The following ZNF462 variants were observed in gnomAD, a reference collection of about 807,000 sequenced individuals.
The protein encoded by ZNF462 is zinc finger PBX1-interacting protein.
A neutral mutation model predicts 201.9 loss-of-function variants in ZNF462; 10 were observed. The observed-to-expected ratio is 0.05, with a 90% CI of 0.03 to 0.08. The LOEUF is 0.08. Ranked by LOEUF, ZNF462 falls within the 10% of genes least tolerant of loss-of-function variation. The pLI is 1.00. For synonymous variants in ZNF462, 1,227 were observed against 1,193.3 expected (o/e 1.03, Z -0.58); for missense variants, 2,523 against 3,168.3 (o/e 0.80, Z 4.89).
Position 106,935,650 on chromosome 9 carries a change from T to C in ZNF462, c.6235+29T>C. On this transcript the variant is annotated intron_variant, in intron 6 of 12. Transcript: ENST00000277225. The surrounding 1 kb of genome is among the most constrained non-coding windows in gnomAD (Gnocchi z 4.1). ...AGTTGTGCATTGATGATGCACAAGT[T>C]CTTTAGCACTCTCTGAGTTTGAAAC... The C allele has an allele frequency of 6.4e-7, 1 of 1,559,882 alleles. No individual in the cohort carries two copies. The highest frequency in any genetic ancestry group is 8.8e-7 in the Non-Finnish European group (1 of 1,131,142).
In ZNF462 at chr9:106,891,762, C is replaced by T. The variant is rs553659482; in HGVS notation, c.-31+28407C>T. The stretch of plus-strand genomic sequence containing the variant: ...TCTGAAGTAGCTTAGAGTATGTTTT[C>T]CTGGCTTTTTGTTCCCCCCTCTGGA... On this transcript the variant is annotated intron_variant, in intron 1 of 12. Transcript: ENST00000277225. Among the ~76,000 whole-genome samples, 15 of 152,246 alleles carry T rather than the reference C, an allele frequency of 9.9e-5. No individual in the cohort carries two copies. In the South Asian group the frequency reaches 2.1e-3, roughly 21 times the overall value.
rs1431697721 is a variant in ZNF462 at position 107,003,279 on chromosome 9, T to C, written c.7057-15T>C. The C allele has an allele frequency of 1.2e-6, 2 of 1,613,272 alleles. No individual in the cohort carries two copies. Among genetic ancestry groups the C allele is most frequent in the South Asian group, 2.2e-5 (2 of 90,974 alleles). Reference sequence around the variant, plus strand: ...TGCGGTTTATTATTCCATCATTTGTTTGGGCCTTTTTCAGGTAAGCCGTAA... The same window carrying C: ...TGCGGTTTATTATTCCATCATTTGTCTGGGCCTTTTTCAGGTAAGCCGTAA... On this transcript the variant is annotated splice_polypyrimidine_tract_variant and intron_variant, in intron 10 of 12. Transcript: ENST00000277225. The surrounding 1 kb of genome is among the most constrained non-coding windows in gnomAD (Gnocchi z 4.4).
chr9:106,911,594 G>T (rs1454355367), intron 1 of ZNF462, among the ~76,000 whole-genome samples: 4 of 152,212 alleles, frequency 2.6e-5, no homozygotes, highest in East Asian at 3.8e-4. Flanking sequence ...CTGGTCCAGG[G>T]ATTAGACTTT....
intron 1 of ZNF462, among the ~76,000 whole-genome samples, chr9:106,912,539 T>C (rs915751039): frequency 6.6e-6 from 1 of 152,206 alleles, no homozygotes; most frequent in Non-Finnish European, 1.5e-5. Context: ...GGACCTTAAG[T>C]GTGAATACTG....
intron 1 of ZNF462, among the ~76,000 whole-genome samples, chr9:106,871,193 C>T (rs912124128): frequency 1.3e-5 from 2 of 152,202 alleles, no homozygotes; most frequent in Non-Finnish European, 2.9e-5. Flanking sequence ...TCTAAACCAT[C>T]TCATTTCTAT....
rs952784188 is a variant in ZNF462 at position 106,919,115 on chromosome 9, T to C, written c.-30-4239T>C. Among the ~76,000 whole-genome samples the C allele has an allele frequency of 6.6e-6, 1 of 152,266 alleles. No homozygotes were observed. The highest frequency in any genetic ancestry group is 1.5e-5 in the Non-Finnish European group (1 of 68,052). ...TCCTTCAGTCAGAGAACAGGTTAGA[T>C]CCAGGCAAGGCCTATGCCTTTTAAT... On this transcript the variant is annotated intron_variant, in intron 1 of 12. Transcript: ENST00000277225. The surrounding 1 kb of genome is among the most constrained non-coding windows in gnomAD (Gnocchi z 4.5).
chr9:106,866,333 G>C (rs2130781576), intron 1 of ZNF462, among the ~76,000 whole-genome samples: 1 of 152,272 alleles, frequency 6.6e-6, no homozygotes, highest in East Asian at 1.9e-4. Flanking sequence ...ATTCTGTTGA[G>C]TAGCTGGTAG....
Position 106,984,420 on chromosome 9 carries a change from G to C in ZNF462, c.7056+11G>C. 1 of 1,604,182 alleles carries C rather than the reference G, an allele frequency of 6.2e-7. No individual in the cohort carries two copies. The highest frequency in any genetic ancestry group is 8.5e-7 in the Non-Finnish European group (1 of 1,175,244). On this transcript the variant is annotated intron_variant, in intron 10 of 12. Transcript: ENST00000277225. The surrounding 1 kb of genome is among the most constrained non-coding windows in gnomAD (Gnocchi z 6.4). ...CGGGATGAGCATAAGGTACTTACCA[G>C]GACTTCCTGCTCCCGCCTCAGCACA...
intron 11 of ZNF462, among the ~76,000 whole-genome samples, chr9:107,007,769 C>T (rs1829659776): frequency 6.6e-6 from 1 of 152,178 alleles, no homozygotes. Flanking sequence ...GTGCAGCTCT[C>T]AGGCTGGTGG....
intron 5 of ZNF462, among the ~76,000 whole-genome samples, chr9:106,934,129 C>A (rs1308359498): frequency 6.6e-6 from 1 of 151,982 alleles, no homozygotes; most frequent in Non-Finnish European, 1.5e-5. Context: ...TACTTAATTT[C>A]ATTCTCAAAA....
Position 106,927,533 on chromosome 9 carries a change from G to T in ZNF462, c.3621G>T (p.Gly1207=). The T allele has an allele frequency of 1.9e-6, 3 of 1,613,850 alleles. No individual in the cohort carries two copies. The highest frequency in any genetic ancestry group is 2.5e-6 in the Non-Finnish European group (3 of 1,179,962). Residue 1207 remains glycine (G), a synonymous_variant, in exon 3 of 13, where the codon GGG becomes GGT. Coordinates refer to ENST00000277225, the MANE Select transcript of ZNF462 (RefSeq NM_021224.6). ...ATTATGGGAACCGGACGGTCAAAGG[G>T]GTACTCATTCATTATCAGAAGAAGC... The part of the protein sequence containing the change: ...HCDYGNRTVK[G]VLIHYQKKHR...
chr9:106,927,700 G>A lies in ZNF462; in HGVS notation c.3788G>A (p.Arg1263Gln). Residue 1263 changes from arginine to glutamine, a missense_variant, in exon 3 of 13, where the codon CGA becomes CAA. Around this residue, in one of 15 missense-constraint regions of ZNF462, gnomAD observed 222 missense variants for 271.6 expected, o/e 0.82. Coordinates refer to ENST00000277225, the MANE Select transcript of ZNF462 (RefSeq NM_021224.6). ...CTGGAGCGGGACAAAACGAAACTCC[G>A]AGCACTCAAATGTAGGCAGTGCTCA... ...SNLERDKTKLRALKCRQCSYT... is the reference protein window; with the variant it reads ...SNLERDKTKLQALKCRQCSYT... The A allele has an allele frequency of 1.2e-6, 2 of 1,613,998 alleles. No homozygotes were observed. The highest frequency in any genetic ancestry group is 1.7e-6 in the Non-Finnish European group (2 of 1,180,014).
At chr9:106,982,475 T>A (rs934651798) in intron 9 of ZNF462, among the ~76,000 whole-genome samples, 3 of 152,198 alleles carry the variant, frequency 2.0e-5, no homozygotes, top group Non-Finnish European at 4.4e-5. Flanking sequence ...TACTAGTTTA[T>A]GCCAAAGCAT....
rs1373277624 is a variant in ZNF462, at chr9:106,930,215, G to A, written c.5848-310G>A. Among the ~76,000 whole-genome samples the A allele has an allele frequency of 6.6e-6, 1 of 152,068 alleles. No homozygotes were observed. The highest frequency in any genetic ancestry group is 1.5e-5 in the Non-Finnish European group (1 of 68,028). ...AGAAGTTCATTAATGGCGCAACTAT[G>A]CAACGTTTCACCTGCCTAGTTGAAA... On this transcript the variant is annotated intron_variant, in intron 3 of 12. Transcript: ENST00000277225. The surrounding 1 kb of genome is among the most constrained non-coding windows in gnomAD (Gnocchi z 5.8).
rs1157070725 is a variant in ZNF462 at position 107,003,149 on chromosome 9, A to G, written c.7057-145A>G. 1 of 1,051,310 alleles carries G rather than the reference A, an allele frequency of 9.5e-7. No homozygotes were observed. Among genetic ancestry groups the G allele is most frequent in the South Asian group, 1.8e-5 (1 of 56,906 alleles). The allele number at this position is 1,051,310 out of a possible 1,614,324, so 65.1% of individuals were successfully genotyped here. A position where few individuals can be genotyped will look rare whatever the true frequency, so the allele number is the denominator to read the frequency against. ...TCTCCAAAAGAGTCAAAACGAAGAA[A>G]AAGACCTCTTAGGCCCCGGAGTTGT... is the stretch of plus-strand genomic sequence containing the variant. On this transcript the variant is annotated intron_variant, in intron 10 of 12. Transcript: ENST00000277225. The surrounding 1 kb of genome is among the most constrained non-coding windows in gnomAD (Gnocchi z 4.4).
chr9:106,921,354 G>A (rs1472262138), intron 1 of ZNF462, among the ~76,000 whole-genome samples: 1 of 152,208 alleles, frequency 6.6e-6, no homozygotes, highest in Non-Finnish European at 1.5e-5. Flanking sequence ...AGAGAGAAAT[G>A]AAAACAGTTA....
rs1216123153 is a variant in ZNF462, at chr9:106,865,953, C to T, written c.-31+2598C>T. Among the ~76,000 whole-genome samples, 1 of 152,148 alleles carries T rather than the reference C, an allele frequency of 6.6e-6. No homozygotes were observed. Among genetic ancestry groups the T allele is most frequent in the Non-Finnish European group, 1.5e-5 (1 of 68,020 alleles). Reference sequence around the variant, plus strand: ...AAATGCTTCAGGAATTTTTAAAAGCCAACCATGAAGATGTTGCTTTTCCAT... The same window carrying T: ...AAATGCTTCAGGAATTTTTAAAAGCTAACCATGAAGATGTTGCTTTTCCAT... On this transcript the variant is annotated intron_variant, in intron 1 of 12. Transcript: ENST00000277225. This position sits in a 1 kb window ranked among gnomAD's most constrained non-coding sequence, Gnocchi z 4.1.
chr9:106,965,408 C>T (rs942817282), intron 7 of ZNF462, among the ~76,000 whole-genome samples: 1 of 151,834 alleles, frequency 6.6e-6, no homozygotes, highest in African/African-American at 2.4e-5. Flanking sequence ...AGAAGAAACA[C>T]CAGGTAGGAG....
chr9:106,897,361 G>A (rs962225609), intron 1 of ZNF462, among the ~76,000 whole-genome samples: 1 of 152,124 alleles, frequency 6.6e-6, no homozygotes, highest in African/African-American at 2.4e-5. Flanking sequence ...TTGGTATGCA[G>A]GAAAAAGAAC....
Sources: gnomAD v4.1 joint callset for allele counts (sites outside exome capture counted in the v4.1 genomes callset) on GRCh38, gnomAD v4.1.1 for gene constraint, gnomAD v4.1.1 regional missense constraint, Gnocchi (gnomAD v3.1) non-coding constraint, MANE v1.5 for transcripts, NCBI Gene and HGNC (gene_info 2026-07-23, HGNC 2026-07-21) for gene names.